ZNF474: variants seen among roughly 807,000 people sequenced by gnomAD.
ZNF474 encodes the protein 4933409D10Rik.
For missense variants in ZNF474, 511 were observed against 433.8 expected (o/e 1.18, Z -1.58); for synonymous variants, 192 against 162.2 (o/e 1.18, Z -1.39).
intron 1 of ZNF474, among the ~76,000 whole-genome samples, chr5:122,133,936 G>T (rs1755638268): frequency 6.6e-6 from 1 of 152,096 alleles, no homozygotes; most frequent in Admixed American, 6.6e-5. Flanking sequence ...ACCTTCATAT[G>T]ACTGTTTCTT....
intron 1 of ZNF474, among the ~76,000 whole-genome samples, chr5:122,131,615 A>T (rs1446938229): frequency 6.6e-6 from 1 of 152,100 alleles, no homozygotes; most frequent in Non-Finnish European, 1.5e-5. Flanking sequence ...AGAAGCCTGC[A>T]CAAGTCTTAT....
intron 1 of ZNF474, among the ~76,000 whole-genome samples, chr5:122,151,056 C>T (rs1429577415): frequency 6.6e-6 from 1 of 152,086 alleles, no homozygotes; most frequent in Non-Finnish European, 1.5e-5. Context: ...AGTTTATGTC[C>T]CTCTGAGGGC....
intron 1 of ZNF474, among the ~76,000 whole-genome samples, chr5:122,137,747 G>A (rs1161789710): frequency 6.6e-6 from 1 of 152,176 alleles, no homozygotes; most frequent in Non-Finnish European, 1.5e-5. Flanking sequence ...AGGTTACAGA[G>A]GGCATTCAAG....
At chr5:122,148,890 C>T (rs1393061503) in intron 1 of ZNF474, among the ~76,000 whole-genome samples, 2 of 151,996 alleles carry the variant, frequency 1.3e-5, no homozygotes, top group Non-Finnish European at 2.9e-5. Context: ...CCACCATACC[C>T]AACTAATTTT....
intron 1 of ZNF474, among the ~76,000 whole-genome samples, chr5:122,143,234 G>T (rs1051887324): frequency 1.3e-5 from 2 of 152,110 alleles, no homozygotes; most frequent in Non-Finnish European, 2.9e-5. Flanking sequence ...TAGCAGCTCC[G>T]TTCATGCACA....
rs1755533063 is a variant in ZNF474, at chr5:122,129,678, A to G, written c.-218A>G. ...AGCATGCCATGCTAAAAGGCAAAAT[A>G]AAAAGGTAAAGAACAAATGTCACAA... On this transcript the variant is annotated 5_prime_UTR_variant, in exon 1 of 2. In the 5' UTR this introduces an upstream ATG that the reference lacks. Transcript: ENST00000296600. 2 of 152,266 alleles carry G rather than the reference A, an allele frequency of 1.3e-5. No individual in the cohort carries two copies. Among genetic ancestry groups the G allele is most frequent in the Non-Finnish European group, 2.9e-5 (2 of 68,076 alleles). 9.4% of individuals were successfully genotyped at this position (152,266 alleles called of 1,614,324 possible).
chr5:122,131,401 G>T (rs901957354), intron 1 of ZNF474, among the ~76,000 whole-genome samples: 1 of 152,048 alleles, frequency 6.6e-6, no homozygotes, highest in South Asian at 2.1e-4. Context: ...TCCATATGTG[G>T]TAACAAATTA....
intron 1 of ZNF474, among the ~76,000 whole-genome samples, chr5:122,141,300 A>ACTTTTTTTT (rs1755839307): frequency 1.6e-5 from 1 of 64,342 alleles, no homozygotes; most frequent in South Asian, 8.0e-4. Context: ...ACCCCTGGCT[A>ACTTTTTTTT]TTTTTTTTTT....
chr5:122,149,278 G>A (rs976370099), intron 1 of ZNF474, among the ~76,000 whole-genome samples: 2 of 152,012 alleles, frequency 1.3e-5, no homozygotes, highest in Non-Finnish European at 1.5e-5. Flanking sequence ...CATGTACCCC[G>A]AACCTATAAT....
rs887033025 is a variant in ZNF474 at position 122,153,134 on chromosome 5, A to AT, written c.*55dup. The AT allele has an allele frequency of 4.5e-6, 7 of 1,546,666 alleles. No individual in the cohort carries two copies. Among genetic ancestry groups the AT allele is most frequent in the Non-Finnish European group, 6.1e-6 (7 of 1,150,356 alleles). Reference sequence around the variant, plus strand: ...AGAATCAGCCACCTCAGCCCCTAGTATTTTTTCTATCAATGCCTTGTATCA... The same window carrying AT: ...AGAATCAGCCACCTCAGCCCCTAGTATTTTTTTCTATCAATGCCTTGTATCA... On this transcript the variant is annotated 3_prime_UTR_variant, in exon 2 of 2. Coordinates refer to ENST00000296600, the MANE Select transcript of ZNF474 (RefSeq NM_207317.3).
At chr5:122,147,391 A>G (rs562427682) in intron 1 of ZNF474, among the ~76,000 whole-genome samples, 49 of 152,174 alleles carry the variant, frequency 3.2e-4, no homozygotes, top group Non-Finnish European at 5.4e-4. Flanking sequence ...ATTTTTTTAT[A>G]TACTTTAAGT....
chr5:122,140,954 T>C (rs539438571), intron 1 of ZNF474, among the ~76,000 whole-genome samples: 1 of 152,290 alleles, frequency 6.6e-6, no homozygotes, highest in Admixed American at 6.5e-5. Context: ...ACCCATGAGC[T>C]ACTGATGCCA....
intron 1 of ZNF474, among the ~76,000 whole-genome samples, chr5:122,149,453 C>G (rs1212987976): frequency 6.6e-6 from 1 of 152,128 alleles, no homozygotes; most frequent in East Asian, 1.9e-4. Flanking sequence ...AGCATAACAG[C>G]TGGTGAGAGC....
chr5:122,130,084 G>A (rs1393138495), intron 1 of ZNF474, among the ~76,000 whole-genome samples: 2 of 151,874 alleles, frequency 1.3e-5, no homozygotes, highest in Non-Finnish European at 2.9e-5. Flanking sequence ...CATTAATTCA[G>A]AACTATATGT....
chr5:122,152,128 G>A lies in ZNF474; in HGVS notation c.138G>A (p.Glu46=). The change falls in exon 2 of 2, where the codon GAG becomes GAA. Residue 46 remains glutamate (E), a synonymous_variant. Coordinates refer to ENST00000296600, the MANE Select transcript of ZNF474 (RefSeq NM_207317.3). ...ATTCTAGCCTTTCCCCAGAAACAGA[G>A]AGTGTTAATCCTGGTGAAAATATAA... is the stretch of plus-strand genomic sequence containing the variant. ...DSYSSLSPET[E]SVNPGENIKT... 6.2e-7 allele frequency: 1 copy of A among 1,614,178 alleles called. No homozygotes were observed.
chr5:122,151,726 T>TGTGG (rs1756181599), intron 1 of ZNF474, 53 bp from the exon 2 acceptor site: 1 of 356,380 alleles, frequency 2.8e-6, no homozygotes. Context: ...TGTGTGTGTG[T>TGTGG]GTGTGTGTGT....
rs949661912 is a variant in ZNF474 at position 122,152,126 on chromosome 5, G to C, written c.136G>C (p.Glu46Gln). The C allele has an allele frequency of 1.2e-6, 2 of 1,614,182 alleles. No homozygotes were observed. Among genetic ancestry groups the C allele is most frequent in the Admixed American group, 3.3e-5 (2 of 60,012 alleles). ...CTATTCTAGCCTTTCCCCAGAAACA[G>C]AGAGTGTTAATCCTGGTGAAAATAT... ...DSYSSLSPET[E>Q]SVNPGENIKT... Residue 46 changes from glutamate (E) to glutamine (Q), a missense_variant, in exon 2 of 2, where the codon GAG becomes CAG. Coordinates refer to ENST00000296600, the MANE Select transcript of ZNF474 (RefSeq NM_207317.3).
chr5:122,149,455 G>T (rs923150221), intron 1 of ZNF474, among the ~76,000 whole-genome samples: 1 of 152,064 alleles, frequency 6.6e-6, no homozygotes. Flanking sequence ...CATAACAGCT[G>T]GTGAGAGCTT....
rs559043437 is a variant in ZNF474, at chr5:122,147,292, T to C, written c.-212-4487T>C. ...CAACTCCATCTTTCTTGTTTATGTT[T>C]TTGTTCATTTAAAGAATTTGAATTC... On this transcript the variant is annotated intron_variant, in intron 1 of 1. Coordinates refer to ENST00000296600, the MANE Select transcript of ZNF474 (RefSeq NM_207317.3). Among the ~76,000 whole-genome samples the C allele has an allele frequency of 9.2e-4, 140 of 152,344 alleles. 6 individuals carry two copies. The South Asian group carries it at 0.028, about 31-fold the overall frequency.
Sources: gnomAD v4.1 joint callset for allele counts (sites outside exome capture counted in the v4.1 genomes callset) on GRCh38, gnomAD v4.1.1 for gene constraint, MANE v1.5 for transcripts, NCBI Gene and HGNC (gene_info 2026-07-23, HGNC 2026-07-21) for gene names.